ASIC2: variants seen among roughly 807,000 people sequenced by gnomAD.
ASIC2 encodes the protein acid-sensing ion channel 2.
Under a neutral mutation model 57.3 loss-of-function variants are expected in ASIC2, and 25 were observed. That is an observed-to-expected ratio of 0.44 (90% CI 0.32 to 0.61). The LOEUF (loss-of-function observed/expected upper bound fraction) is 0.61. ASIC2 is among the 20% of genes least tolerant of loss of function. ASIC2 has a pLI of 0.06. For synonymous variants in ASIC2, 319 were observed against 307.5 expected, an observed-to-expected ratio of 1.04 and a Z score of -0.39; for missense variants, 641 against 738.1, an observed-to-expected ratio of 0.87 and a Z score of 1.52.
intron 1 of ASIC2, among the ~76,000 whole-genome samples, chr17:33,248,132 C>T (rs1238245547): frequency 6.6e-6 from 1 of 152,100 alleles, no homozygotes; most frequent in African/African-American, 2.4e-5. Context: ...TGAGATTGGA[C>T]TTGACTCTCA....
chr17:33,880,399 G>A (rs541673289), intron 1 of ASIC2, among the ~76,000 whole-genome samples: 2 of 151,774 alleles, frequency 1.3e-5, no homozygotes, highest in African/African-American at 2.4e-5. Flanking sequence ...AATCAAATAG[G>A]TACAATAAAA....
intron 1 of ASIC2, among the ~76,000 whole-genome samples, chr17:33,488,994 G>A (rs895854353): frequency 1.3e-5 from 2 of 152,080 alleles, no homozygotes; most frequent in Admixed American, 6.5e-5. Context: ...CTGATGAGAT[G>A]ATCCCCTAGG....
intron 1 of ASIC2, among the ~76,000 whole-genome samples, chr17:33,142,338 G>A (rs181617730): frequency 2.3e-4 from 35 of 152,310 alleles, no homozygotes; most frequent in Non-Finnish European, 4.1e-4. Context: ...AGAGTATTTG[G>A]TTGTGATAAA....
intron 1 of ASIC2, among the ~76,000 whole-genome samples, chr17:33,274,514 G>T (rs543276031): frequency 6.6e-6 from 1 of 152,276 alleles, no homozygotes; most frequent in East Asian, 1.9e-4. Flanking sequence ...TCTAAACATG[G>T]AAACACATGA....
chr17:33,361,163 T>C (rs112197719), intron 1 of ASIC2, among the ~76,000 whole-genome samples: 1 of 152,100 alleles, frequency 6.6e-6, no homozygotes, highest in Non-Finnish European at 1.5e-5. Flanking sequence ...GAATGGAGGA[T>C]AAATGAAATG....
At chr17:33,463,075 G>A (rs2881565) in intron 1 of ASIC2, among the ~76,000 whole-genome samples, 29,749 of 152,056 alleles carry the variant, frequency 0.2, 3,218 homozygotes, top group Non-Finnish European at 0.24. Flanking sequence ...TTTCTAAGAC[G>A]CAGTACTCTT....
Position 33,565,140 on chromosome 17 carries a change from G to A in ASIC2, c.556-453073C>T, listed in dbSNP as rs151111864. 3.6e-3 allele frequency among the ~76,000 whole-genome samples: 555 copies of A among 152,196 alleles called. 13 individuals carry two copies. Among genetic ancestry groups the A allele is most frequent in the Admixed American group, 0.03 (458 of 15,288 alleles). ...GGGTTAGGGTCTCCCCGACTGAGTTGGTCTCGGCACTAGTCTGTGTCCCTG... is the reference window on the plus strand; with the variant it reads ...GGGTTAGGGTCTCCCCGACTGAGTTAGTCTCGGCACTAGTCTGTGTCCCTG... On this transcript the variant is annotated intron_variant, in intron 1 of 9. Coordinates refer to the ASIC2 transcript ENST00000359872.
At chr17:33,793,486 C>G (rs954530370) in intron 1 of ASIC2, 1 of 152,224 alleles carries the variant, frequency 6.6e-6, no homozygotes, top group Non-Finnish European at 1.5e-5. Context: ...AGGCTATCAA[C>G]AGCATTTTTC....
At chr17:33,173,859 A>C (rs1292669174) in intron 1 of ASIC2, among the ~76,000 whole-genome samples, 2 of 152,312 alleles carry the variant, frequency 1.3e-5, no homozygotes, top group Admixed American at 1.3e-4. Context: ...ACACAATCGA[A>C]GTGATTCCCT....
intron 1 of ASIC2, among the ~76,000 whole-genome samples, chr17:33,319,337 C>T (rs961511265): frequency 6.6e-6 from 1 of 152,156 alleles, no homozygotes; most frequent in Non-Finnish European, 1.5e-5. Flanking sequence ...TCCATAGTAT[C>T]CCACATCAGG....
At chr17:33,882,844 G>A (rs1415618890) in intron 1 of ASIC2, among the ~76,000 whole-genome samples, 1 of 152,156 alleles carries the variant, frequency 6.6e-6, no homozygotes, top group Non-Finnish European at 1.5e-5. Context: ...CAATAGCAAA[G>A]ACTTGGAACC....
intron 1 of ASIC2, among the ~76,000 whole-genome samples, chr17:34,087,829 C>T (rs1290199652): frequency 1.3e-5 from 2 of 152,282 alleles, no homozygotes; most frequent in Admixed American, 1.3e-4. Context: ...CAGTTGATCG[C>T]ATTGGCTACT....
intron 1 of ASIC2, among the ~76,000 whole-genome samples, chr17:34,040,322 C>G (rs914818689): frequency 1.4e-4 from 21 of 147,866 alleles, no homozygotes; most frequent in African/African-American, 5.4e-4. Context: ...TCGGTTCGGT[C>G]CGGATTAGTA....
chr17:33,904,776 C>G (rs1269463499), intron 1 of ASIC2, among the ~76,000 whole-genome samples: 1 of 152,224 alleles, frequency 6.6e-6, no homozygotes, highest in East Asian at 1.9e-4. Context: ...CTTTTAGGCT[C>G]AGTTACTTCT....
intron 1 of ASIC2, among the ~76,000 whole-genome samples, chr17:33,760,819 T>C (rs984599936): frequency 1.3e-5 from 2 of 152,206 alleles, no homozygotes; most frequent in Non-Finnish European, 2.9e-5. Context: ...CTGCCATTGT[T>C]CTCTTCTTGA....
At chr17:34,112,873 T>C (rs1339509521) in intron 1 of ASIC2, among the ~76,000 whole-genome samples, 1 of 152,204 alleles carries the variant, frequency 6.6e-6, no homozygotes, top group Non-Finnish European at 1.5e-5. Context: ...TTAATGTTAC[T>C]TCATGGTCTT....
chr17:33,945,568 G>A (rs1348510054), intron 1 of ASIC2, among the ~76,000 whole-genome samples: 1 of 152,154 alleles, frequency 6.6e-6, no homozygotes, highest in Non-Finnish European at 1.5e-5. Flanking sequence ...AGCAGATTAA[G>A]CGGGCAGTTC....
chr17:33,764,449 T>C (rs1218438095), intron 1 of ASIC2, among the ~76,000 whole-genome samples: 1 of 152,132 alleles, frequency 6.6e-6, no homozygotes, highest in Non-Finnish European at 1.5e-5. Context: ...AACTGGATAA[T>C]TAATAAAGAA....
At chr17:34,040,990 G>A (rs1047230276) in intron 1 of ASIC2, among the ~76,000 whole-genome samples, 6 of 152,152 alleles carry the variant, frequency 3.9e-5, no homozygotes, top group African/African-American at 1.4e-4. Flanking sequence ...ACCACTCCAA[G>A]AAAAGATGGA....
Sources: gnomAD v4.1 joint callset for allele counts (sites outside exome capture counted in the v4.1 genomes callset) on GRCh38, gnomAD v4.1.1 for gene constraint, MANE v1.5 for transcripts, NCBI Gene and HGNC (gene_info 2026-07-23, HGNC 2026-07-21) for gene names.